MAN1B1: variants seen among roughly 807,000 people sequenced by gnomAD.
MAN1B1 encodes the protein endoplasmic reticulum mannosyl-oligosaccharide 1,2-alpha-mannosidase.
In MAN1B1, 66 loss-of-function variants were observed where a neutral mutation model predicts 75.5. The observed-to-expected ratio is 0.87, with a 90% confidence interval of 0.72 to 1.07. MAN1B1 has a LOEUF of 1.07. MAN1B1 is among the 50% of genes least tolerant of loss of function. MAN1B1 has a pLI of 0.00. For missense variants in MAN1B1, 973 were observed against 912.5 expected (o/e 1.07, Z -0.85); for synonymous variants, 453 against 382.8 (o/e 1.18, Z -2.14).
rs752411836 is a variant in MAN1B1 at position 137,088,979 on chromosome 9, G to C, written c.439G>C (p.Glu147Gln). Residue 147 changes from glutamate (E) to glutamine (Q), a missense_variant, in exon 3 of 13, where the codon GAG (glutamate) becomes CAG (glutamine). Coordinates refer to ENST00000371589, the MANE Select transcript of MAN1B1 (RefSeq NM_016219.5). ...PAPQKADTDP[E>Q]NLPEISSQKT... ...TCCTCAGAAGGCGGACACCGACCCT[G>C]AGAACTTACCTGAGATTTCGTCACA... The C allele has an allele frequency of 2.2e-4, 347 of 1,613,900 alleles. No individual in the cohort carries two copies. The highest frequency in any genetic ancestry group is 2.8e-4 in the Non-Finnish European group (331 of 1,180,030).
intron 1 of MAN1B1, 36 bp downstream of exon 1, chr9:137,087,254 T>TGCCGTGCCC (rs1479521547): frequency 6.5e-7 from 1 of 1,544,358 alleles, no homozygotes; most frequent in East Asian, 2.4e-5. Context: ...GGCCCGGGGC[T>TGCCGTGCCC]GCCGTGCCCG....
intron 6 of MAN1B1, 148 bp downstream of exon 6, chr9:137,100,029 G>A (rs1588600049): frequency 2.2e-6 from 2 of 910,782 alleles, no homozygotes; most frequent in Non-Finnish European, 3.4e-6. Context: ...GGACGTGTTG[G>A]CTGTGGTCAG....
chr9:137,106,644 C>T (rs763775765), intron 9 of MAN1B1, 45 bp from the exon 10 acceptor site: 13 of 1,612,094 alleles, frequency 8.1e-6, no homozygotes, highest in Middle Eastern at 3.3e-4. Flanking sequence ...CCACGGGAGC[C>T]GATGCACCGT....
At position 137,107,402 on chromosome 9, in the gene MAN1B1, C is replaced by G; in HGVS notation, c.1719C>G (p.His573Gln). ...METGLSPEIV[H>Q]FNLYPQPGRR... Reference sequence around the variant, plus strand: ...CGGGGCTGAGTCCCGAGATCGTGCACTTCAACCTTTACCCCCAGCCGGGCC... The same window carrying G: ...CGGGGCTGAGTCCCGAGATCGTGCAGTTCAACCTTTACCCCCAGCCGGGCC... Residue 573 changes from histidine (H) to glutamine (Q), a missense_variant, in exon 11 of 13, where the codon CAC becomes CAG. Coordinates refer to ENST00000371589, the MANE Select transcript of MAN1B1 (RefSeq NM_016219.5). The G allele has an allele frequency of 6.2e-7, 1 of 1,613,488 alleles. No individual in the cohort carries two copies. The highest frequency in any genetic ancestry group is 8.5e-7 in the Non-Finnish European group (1 of 1,180,002).
In MAN1B1 at chr9:137,108,491, A is replaced by G. The variant is rs1221931971; in HGVS notation, c.2000A>G (p.Tyr667Cys). 6.2e-7 allele frequency: 1 copy of G among 1,613,936 alleles called. No individual in the cohort carries two copies. The highest frequency in any genetic ancestry group is 1.1e-5 in the South Asian group (1 of 91,080). Residue 667 changes from tyrosine to cysteine, a missense_variant, in exon 13 of 13, where the codon TAT (tyrosine) becomes TGT (cysteine). Tyr to Cys is a radical substitution (Grantham distance 194, BLOSUM62 -2). Transcript: ENST00000371589. Reference sequence around the variant, plus strand: ...TTCTTCCTGGGGGAGACGCTCAAGTATCTGTTCTTGCTCTTCTCCGATGAC... The same window carrying G: ...TTCTTCCTGGGGGAGACGCTCAAGTGTCTGTTCTTGCTCTTCTCCGATGAC... ...ESFFLGETLK[Y>C]LFLLFSDDPN...
rs1489403973 is a variant in MAN1B1 at position 137,108,980 on chromosome 9, C to G, written c.*389C>G. 8.6e-6 allele frequency: 4 copies of G among 464,034 alleles called. No individual in the cohort carries two copies. The highest frequency in any genetic ancestry group is 7.0e-5 in the Admixed American group (3 of 42,712). The allele number at this position is 464,034 out of a possible 1,614,324, so 28.7% of individuals were successfully genotyped here. On this transcript the variant is annotated 3_prime_UTR_variant, in exon 13 of 13. Coordinates refer to ENST00000371589, the MANE Select transcript of MAN1B1 (RefSeq NM_016219.5). ...CCGGGCTCGTGAAGCCTCAGATGTC[C>G]CCAATCCAAGGGTCTGGAGGGGCTG... is the stretch of plus-strand genomic sequence containing the variant.
intron 3 of MAN1B1, chr9:137,094,423 T>TGG: frequency 2.0e-6 from 1 of 500,440 alleles, no homozygotes; most frequent in Non-Finnish European, 4.0e-6. Context: ...AGGACAGTGA[T>TGG]TGCATGACCT....
chr9:137,092,322 T>G (rs1830538169), intron 3 of MAN1B1, among the ~76,000 whole-genome samples: 1 of 151,908 alleles, frequency 6.6e-6, no homozygotes, highest in African/African-American at 2.4e-5. Context: ...CCAGCCTGGA[T>G]GACAGGGAGA....
chr9:137,088,721 G>T (rs766594890), intron 2 of MAN1B1, 148 bp from the exon 3 acceptor site: 3 of 909,878 alleles, frequency 3.3e-6, no homozygotes, highest in Non-Finnish European at 5.2e-6. Context: ...TCATTCCCTT[G>T]GGACATTGTT....
Position 137,107,413 on chromosome 9 carries a change from A to C in MAN1B1, c.1730A>C (p.Tyr577Ser). 1 of 1,612,762 alleles carries C rather than the reference A, an allele frequency of 6.2e-7. No homozygotes were observed. The highest frequency in any genetic ancestry group is 2.2e-5 in the East Asian group (1 of 44,826). ...CCCGAGATCGTGCACTTCAACCTTTACCCCCAGCCGGGCCGTCGGGACGTG... is the reference window on the plus strand; with the variant it reads ...CCCGAGATCGTGCACTTCAACCTTTCCCCCCAGCCGGGCCGTCGGGACGTG... ...LSPEIVHFNL[Y>S]PQPGRRDVEV... Residue 577 changes from tyrosine (Y) to serine (S), a missense_variant, in exon 11 of 13, where the codon TAC becomes TCC. Tyr to Ser is a moderately radical substitution (Grantham distance 144). Transcript: ENST00000371589.
At chr9:137,087,465 A>C (rs1164841561) in intron 1 of MAN1B1, 4 of 687,456 alleles carry the variant, frequency 5.8e-6, no homozygotes, top group Non-Finnish European at 1.1e-5. Flanking sequence ...GAGCCCCAGC[A>C]GGTTTTCTGG....
intron 8 of MAN1B1, chr9:137,105,843 G>A (rs529259965): frequency 3.0e-5 from 18 of 606,622 alleles, no homozygotes; most frequent in African/African-American, 1.6e-4. Context: ...CTGTCCCTTC[G>A]AGTAAGGGAT....
chr9:137,099,776 C>A lies in MAN1B1; in HGVS notation c.811C>A (p.His271Asn). ...WKGYRKFAWGHDELKPVSRSF... is the reference protein window; with the variant it reads ...WKGYRKFAWGNDELKPVSRSF... ...AGGATACCGCAAGTTTGCATGGGGC[C>A]ATGACGAGCTGAAGCCTGTGTCCAG... The change falls in exon 6 of 13, where the codon CAT becomes AAT. Residue 271 changes from histidine to asparagine, a missense_variant. Transcript: ENST00000371589. The A allele has an allele frequency of 6.2e-7, 1 of 1,614,222 alleles. No individual in the cohort carries two copies. The highest frequency in any genetic ancestry group is 8.5e-7 in the Non-Finnish European group (1 of 1,180,044).
At chr9:137,106,837 C>T (rs372325195) in intron 10 of MAN1B1, 28 bp downstream of exon 10, 57 of 1,610,446 alleles carry the variant, frequency 3.5e-5, no homozygotes, top group Middle Eastern at 3.3e-4. Flanking sequence ...GCCTTCCGGC[C>T]GCCGCCCCTT....
At chr9:137,098,258 G>A (rs1830710884) in intron 5 of MAN1B1, among the ~76,000 whole-genome samples, 1 of 152,264 alleles carries the variant, frequency 6.6e-6, no homozygotes, top group African/African-American at 2.4e-5. Flanking sequence ...GTCCCAGGCA[G>A]CTCTGGGGGC....
At chr9:137,107,989 A>AC in intron 12 of MAN1B1, 1 of 622,652 alleles carries the variant, frequency 1.6e-6, no homozygotes, top group Non-Finnish European at 2.9e-6. Flanking sequence ...TGACTGGGGC[A>AC]CCATCCCCAC....
intron 3 of MAN1B1, chr9:137,089,210 TC>T: frequency 1.5e-6 from 1 of 667,148 alleles, no homozygotes; most frequent in Non-Finnish European, 2.6e-6. Flanking sequence ...CATGGCCAGT[TC>T]CGGTTTTACT....
Position 137,095,906 on chromosome 9 carries a change from G to A in MAN1B1, c.466-331G>A, listed in dbSNP as rs576902603. On this transcript the variant is annotated intron_variant, in intron 3 of 12. Coordinates refer to ENST00000371589, the MANE Select transcript of MAN1B1 (RefSeq NM_016219.5). ...CACTTTGCAGATGACTGTGCGGGAG[G>A]CCTGGGGACCCAGAGGTGTTGCTGG... Among the ~76,000 whole-genome samples, 8 of 152,326 alleles carry A rather than the reference G, an allele frequency of 5.3e-5. No homozygotes were observed. In the East Asian group the frequency reaches 1.2e-3, roughly 22 times the overall value.
chr9:137,095,178 ACT>A lies in MAN1B1; in HGVS notation c.466-1056_466-1055del, dbSNP rs560912132. ...ACTCCGGCCTGGGTGACAAAACAAGACTCTGACTGGGATTACAGGCGTGCGCC... is the reference window on the plus strand; with the variant it reads ...ACTCCGGCCTGGGTGACAAAACAAGACTGACTGGGATTACAGGCGTGCGCC... On this transcript the variant is annotated intron_variant, in intron 3 of 12. Transcript: ENST00000371589. 2.7e-4 allele frequency among the ~76,000 whole-genome samples: 41 copies of A among 151,878 alleles called. No homozygotes were observed. The East Asian group carries it at 7.8e-3, about 29-fold the overall frequency.
Sources: allele counts gnomAD v4.1 joint callset (sites outside exome capture counted in the v4.1 genomes callset), GRCh38; gene constraint gnomAD v4.1.1; transcripts MANE v1.5; gene names NCBI Gene and HGNC (gene_info 2026-07-23, HGNC 2026-07-21).